ZBTB20: variants seen among roughly 807,000 people sequenced by gnomAD.
ZBTB20 encodes zinc finger and BTB domain containing 20, also known as zinc finger and BTB domain-containing protein 20.
Under a neutral mutation model 56.9 loss-of-function variants are expected in ZBTB20, and 9 were observed. The observed-to-expected ratio is 0.16, with a 90% confidence interval of 0.10 to 0.28. ZBTB20 has a LOEUF of 0.28. Among genes scored for constraint, ZBTB20 ranks in the 10% least tolerant of loss-of-function variants. The pLI, the probability that ZBTB20 is intolerant of heterozygous loss-of-function variation, is 1.00. For missense variants in ZBTB20, 655 were observed against 1,003.0 expected (o/e 0.65, Z 4.69); for synonymous variants, 417 against 420.7 (o/e 0.99, Z 0.11).
intron 6 of ZBTB20, among the ~76,000 whole-genome samples, chr3:114,614,775 G>A (rs977124459): frequency 2.7e-5 from 4 of 150,440 alleles, no homozygotes; most frequent in East Asian, 1.9e-4. Flanking sequence ...GTTTTGAGAC[G>A]GAGTCTTGCT....
At chr3:114,359,634 T>C (rs1195522140) in intron 10 of ZBTB20, 3 of 152,194 alleles carry the variant, frequency 2.0e-5, no homozygotes, top group Non-Finnish European at 4.4e-5. Context: ...CCTTTTCCTT[T>C]GTTCACTAAA....
chr3:115,068,015 A>G (rs1052984115), intron 2 of ZBTB20, among the ~76,000 whole-genome samples: 12 of 152,044 alleles, frequency 7.9e-5, no homozygotes, highest in African/African-American at 2.7e-4. Flanking sequence ...ATCCAAACTG[A>G]AACTGGTTCT....
intron 7 of ZBTB20, among the ~76,000 whole-genome samples, chr3:114,480,726 A>G (rs2041440792): frequency 6.6e-6 from 1 of 152,204 alleles, no homozygotes; most frequent in Non-Finnish European, 1.5e-5. Flanking sequence ...ACTAAAGCTG[A>G]CACAATACAT....
chr3:114,585,883 G>A (rs758420156), intron 6 of ZBTB20, among the ~76,000 whole-genome samples: 1 of 152,200 alleles, frequency 6.6e-6, no homozygotes, highest in Non-Finnish European at 1.5e-5. Context: ...GCAGATAAAG[G>A]GTCTAGAACA....
intron 6 of ZBTB20, among the ~76,000 whole-genome samples, chr3:114,578,369 G>A (rs960418483): frequency 5.9e-5 from 9 of 151,824 alleles, no homozygotes; most frequent in South Asian, 2.1e-4. Flanking sequence ...AAGAATTCCA[G>A]AAAAAGAAAA....
chr3:115,134,404 T>C (rs2084597663), intron 1 of ZBTB20, among the ~76,000 whole-genome samples: 1 of 152,184 alleles, frequency 6.6e-6, no homozygotes, highest in Admixed American at 6.5e-5. Context: ...GCAGAGATGC[T>C]CAAAAATATT....
intron 3 of ZBTB20, among the ~76,000 whole-genome samples, chr3:114,935,889 C>G (rs1015305186): frequency 1.2e-4 from 19 of 152,110 alleles, no homozygotes; most frequent in African/African-American, 4.1e-4. Context: ...TACTCTTCTA[C>G]ACTCTAAATG....
intron 7 of ZBTB20, among the ~76,000 whole-genome samples, chr3:114,461,203 C>T (rs1485646965): frequency 6.6e-6 from 1 of 151,532 alleles, no homozygotes. Flanking sequence ...CTTGCTAGAC[C>T]CCCACCCCAC....
At chr3:114,439,791 T>A (rs780611064) in intron 7 of ZBTB20, among the ~76,000 whole-genome samples, 2 of 152,176 alleles carry the variant, frequency 1.3e-5, no homozygotes, top group Non-Finnish European at 2.9e-5. Context: ...GAAAAATATC[T>A]AATATAGAGA....
chr3:114,833,555 G>C (rs1459827235), intron 4 of ZBTB20, among the ~76,000 whole-genome samples: 3 of 151,298 alleles, frequency 2.0e-5, no homozygotes, highest in African/African-American at 7.3e-5. Context: ...TTTTAGATAT[G>C]GTTTCACTCT....
chr3:115,011,215 G>C (rs945035855), intron 2 of ZBTB20, among the ~76,000 whole-genome samples: 1 of 151,860 alleles, frequency 6.6e-6, no homozygotes, highest in African/African-American at 2.4e-5. Flanking sequence ...GGAAGAGAAA[G>C]AGACAGGGGT....
In ZBTB20 at chr3:114,651,258, T is replaced by G. The variant is rs546619231; in HGVS notation, c.-295+42270A>C. On this transcript the variant is annotated intron_variant, in intron 6 of 11. Transcript: ENST00000675478. Reference sequence around the variant, plus strand: ...ATTACAATCAGACTTGGGCAGTATTTGTTGGGGACAGCTAGAAAGAAATGA... The same window carrying G: ...ATTACAATCAGACTTGGGCAGTATTGGTTGGGGACAGCTAGAAAGAAATGA... Among the ~76,000 whole-genome samples the G allele has an allele frequency of 6.8e-4, 103 of 152,152 alleles. 1 individual carries two copies. The highest frequency in any genetic ancestry group is 2.1e-3 in the African/African-American group (89 of 41,552).
chr3:114,415,125 T>A (rs1037005955), intron 7 of ZBTB20, among the ~76,000 whole-genome samples: 1 of 152,078 alleles, frequency 6.6e-6, no homozygotes, highest in African/African-American at 2.4e-5. Flanking sequence ...AAGGTCAAAA[T>A]AATCCTCTAA....
intron 2 of ZBTB20, among the ~76,000 whole-genome samples, chr3:114,993,708 T>A (rs1300290921): frequency 3.9e-5 from 6 of 151,984 alleles, no homozygotes; most frequent in African/African-American, 1.4e-4. Context: ...TTATTTAAAA[T>A]GAACACAATA....
intron 6 of ZBTB20, among the ~76,000 whole-genome samples, chr3:114,508,196 T>C (rs1487382827): frequency 2.0e-5 from 3 of 152,150 alleles, no homozygotes; most frequent in Non-Finnish European, 4.4e-5. Context: ...ACAATTCCTT[T>C]AAATGACCAA....
intron 6 of ZBTB20, among the ~76,000 whole-genome samples, chr3:114,663,672 C>G (rs1355781940): frequency 6.6e-6 from 1 of 151,004 alleles, no homozygotes; most frequent in Non-Finnish European, 1.5e-5. Context: ...CACATAGGCT[C>G]AAAATAAAAG....
At chr3:114,939,752 G>A (rs1368955949) in intron 3 of ZBTB20, among the ~76,000 whole-genome samples, 1 of 146,040 alleles carries the variant, frequency 6.8e-6, no homozygotes, top group African/African-American at 2.8e-5. Flanking sequence ...TACAATACCA[G>A]CACTTTGGGA....
At chr3:114,711,011 C>T (rs1036739986) in intron 5 of ZBTB20, among the ~76,000 whole-genome samples, 3 of 152,154 alleles carry the variant, frequency 2.0e-5, no homozygotes, top group African/African-American at 7.2e-5. Context: ...AAATGTTCTT[C>T]CTGCTGGTCA....
At chr3:114,976,278 C>T (rs539101382) in intron 2 of ZBTB20, among the ~76,000 whole-genome samples, 1 of 152,058 alleles carries the variant, frequency 6.6e-6, no homozygotes, top group South Asian at 2.1e-4. Context: ...TCTCAAAGGA[C>T]GTAAGAATAA....
Sources: gnomAD v4.1 joint callset for allele counts (sites outside exome capture counted in the v4.1 genomes callset) on GRCh38, gnomAD v4.1.1 for gene constraint, MANE v1.5 for transcripts, NCBI Gene and HGNC (gene_info 2026-07-23, HGNC 2026-07-21) for gene names.